CYP2C19: variants seen among roughly 807,000 people sequenced by gnomAD.
CYP2C19 encodes cytochrome P450 family 2 subfamily C member 19, also known as cytochrome P450 2C19.
A neutral mutation model predicts 40.9 loss-of-function variants in CYP2C19; 59 were observed. The ratio of observed to expected loss-of-function variants is 1.44; its 90% CI spans 1.17 to 1.79. CYP2C19 has a LOEUF of 1.79. Among genes scored for constraint, CYP2C19 ranks in the 40% most tolerant of loss-of-function variants. The pLI is 0.00. For synonymous variants in CYP2C19, 253 were observed against 208.7 expected (o/e 1.21, Z -1.83); for missense variants, 754 against 596.9 (o/e 1.26, Z -2.74).
intron 5 of CYP2C19, among the ~76,000 whole-genome samples, chr10:94,784,245 A>T (rs1848513585): frequency 2.0e-5 from 3 of 151,802 alleles, no homozygotes; most frequent in Non-Finnish European, 4.4e-5. Flanking sequence ...CTTTTTGTGG[A>T]TAAAGTATAT....
chr10:94,804,860 C>T (rs767170415), intron 5 of CYP2C19, among the ~76,000 whole-genome samples: 4 of 152,136 alleles, frequency 2.6e-5, no homozygotes, highest in African/African-American at 4.8e-5. Flanking sequence ...CTCTAATCTG[C>T]CATCTTGGAA....
At chr10:94,802,009 G>T (rs187757018) in intron 5 of CYP2C19, among the ~76,000 whole-genome samples, 7 of 152,272 alleles carry the variant, frequency 4.6e-5, no homozygotes, top group Non-Finnish European at 4.4e-5. Context: ...ACCTTAGAGG[G>T]TTGCTTCTGC....
chr10:94,817,227 C>T (rs1032235179), intron 5 of CYP2C19, among the ~76,000 whole-genome samples: 1 of 147,612 alleles, frequency 6.8e-6, no homozygotes, highest in Non-Finnish European at 1.5e-5. Context: ...TCTCCACATC[C>T]TCTCCAGCAC....
intron 5 of CYP2C19, among the ~76,000 whole-genome samples, chr10:94,793,942 T>A (rs1848645751): frequency 6.6e-6 from 1 of 152,180 alleles, no homozygotes; most frequent in Non-Finnish European, 1.5e-5. Context: ...TGTTCAGCTA[T>A]GCCCTGCCCC....
At chr10:94,832,291 A>T (rs766169986) in intron 6 of CYP2C19, among the ~76,000 whole-genome samples, 3 of 152,216 alleles carry the variant, frequency 2.0e-5, no homozygotes, top group Admixed American at 6.5e-5. Context: ...ATGGCTGGGG[A>T]TGCCTCAAAA....
intron 1 of CYP2C19, among the ~76,000 whole-genome samples, chr10:94,770,676 T>G (rs1329002134): frequency 6.6e-6 from 1 of 152,140 alleles, no homozygotes; most frequent in Admixed American, 6.5e-5. Flanking sequence ...GGGGAGTATA[T>G]TTTCTTAAGG....
At chr10:94,770,097 A>T (rs1443886116) in intron 1 of CYP2C19, among the ~76,000 whole-genome samples, 2 of 152,162 alleles carry the variant, frequency 1.3e-5, no homozygotes, top group African/African-American at 2.4e-5. Context: ...TGAGAAGGCC[A>T]CACCAGTGTC....
Position 94,853,374 on chromosome 10 carries a change from G to A in CYP2C19, c.*460G>A, listed in dbSNP as rs184350496. ...AAACGATAAGGACAGAAAGGACAAA[G>A]GTGAAGATGGTAGGGAAGCTATTTT... On this transcript the variant is annotated 3_prime_UTR_variant, in exon 9 of 9. Transcript: ENST00000371321. 6.6e-6 allele frequency among the ~76,000 whole-genome samples: 1 copy of A among 152,290 alleles called. No individual in the cohort carries two copies. The highest frequency in any genetic ancestry group is 1.5e-5 in the Non-Finnish European group (1 of 68,024).
chr10:94,787,286 G>A (rs1318724154), intron 5 of CYP2C19, among the ~76,000 whole-genome samples: 2 of 152,054 alleles, frequency 1.3e-5, no homozygotes, highest in Non-Finnish European at 2.9e-5. Flanking sequence ...TGTTGGCCAT[G>A]TGTATGTCTT....
At chr10:94,807,046 C>G (rs976479809) in intron 5 of CYP2C19, among the ~76,000 whole-genome samples, 4 of 152,186 alleles carry the variant, frequency 2.6e-5, no homozygotes, top group African/African-American at 9.6e-5. Flanking sequence ...TGGCTATCCC[C>G]CTTACTTCTC....
intron 5 of CYP2C19, among the ~76,000 whole-genome samples, chr10:94,803,637 C>G (rs980184567): frequency 1.2e-4 from 19 of 152,160 alleles, no homozygotes; most frequent in African/African-American, 4.6e-4. Context: ...AGTGGGCAGA[C>G]TTGAAGCCCC....
intron 7 of CYP2C19, among the ~76,000 whole-genome samples, chr10:94,845,468 C>G (rs1849558630): frequency 6.6e-6 from 1 of 152,056 alleles, no homozygotes; most frequent in South Asian, 2.1e-4. Context: ...TATTGATGCC[C>G]AATATAAGAC....
chr10:94,772,851 G>A (rs1230348912), intron 1 of CYP2C19, among the ~76,000 whole-genome samples: 2 of 152,272 alleles, frequency 1.3e-5, no homozygotes, highest in East Asian at 1.9e-4. Context: ...GCGCAACCTT[G>A]GCTCGCTGCA....
At position 94,781,964 on chromosome 10, in the gene CYP2C19, C is replaced by CTT; in HGVS notation, c.788_789dup (p.Ile264LeufsTer6). 1 of 1,534,066 alleles carries CTT rather than the reference C, an allele frequency of 6.5e-7. No homozygotes were observed. Among genetic ancestry groups the CTT allele is most frequent in the Non-Finnish European group, 8.7e-7 (1 of 1,149,496 alleles). ...CGATGGACATCAACAACCCTCGGGA[C>CTT]TTTATTGATTGCTTCCTGATCAAAA... On this transcript the variant is annotated frameshift_variant, in exon 5 of 9. Transcript: ENST00000371321. LOFTEE classifies it high-confidence loss of function.
chr10:94,800,526 G>A (rs998612252), intron 5 of CYP2C19, among the ~76,000 whole-genome samples: 5 of 152,176 alleles, frequency 3.3e-5, no homozygotes, highest in Non-Finnish European at 7.3e-5. Flanking sequence ...GAGCTCAAAC[G>A]CCATGGTGGG....
At chr10:94,810,692 C>A (rs1848907659) in intron 5 of CYP2C19, among the ~76,000 whole-genome samples, 1 of 152,160 alleles carries the variant, frequency 6.6e-6, no homozygotes, top group South Asian at 2.1e-4. Context: ...TTATAGTATT[C>A]TCTGATGGTA....
At chr10:94,775,618 G>A in intron 3 of CYP2C19, 79 bp downstream of exon 3, 1 of 1,609,640 alleles carries the variant, frequency 6.2e-7, no homozygotes, top group Non-Finnish European at 8.5e-7. Flanking sequence ...CATTTCAGGG[G>A]TGGCCAGATC....
chr10:94,812,224 G>A (rs917713074), intron 5 of CYP2C19, among the ~76,000 whole-genome samples: 1 of 152,092 alleles, frequency 6.6e-6, no homozygotes. Context: ...CTGGCTTGTC[G>A]AGCTTCTCCA....
intron 5 of CYP2C19, among the ~76,000 whole-genome samples, chr10:94,796,361 A>G (rs1223249941): frequency 6.7e-6 from 1 of 149,710 alleles, no homozygotes; most frequent in Non-Finnish European, 1.5e-5. Context: ...GTCTATATCC[A>G]TATGGTACAA....
Sources: allele counts gnomAD v4.1 joint callset (sites outside exome capture counted in the v4.1 genomes callset), GRCh38; gene constraint gnomAD v4.1.1; transcripts MANE v1.5; gene names NCBI Gene and HGNC (gene_info 2026-07-23, HGNC 2026-07-21).